Variants in SLC35D2 observed in about 807,000 individuals in gnomAD.
SLC35D2 encodes the protein nucleotide sugar transporter SLC35D2.
In SLC35D2, 43 loss-of-function variants were observed where a neutral mutation model predicts 41.8. The ratio of observed to expected loss-of-function variants is 1.03; its 90% CI spans 0.81 to 1.33. SLC35D2 has a LOEUF of 1.33. Among genes scored for constraint, SLC35D2 ranks in the 40% most tolerant of loss-of-function variants. The pLI is 0.00. For missense variants in SLC35D2, 380 were observed against 408.4 expected (o/e 0.93, Z 0.60); for synonymous variants, 150 against 163.9 (o/e 0.92, Z 0.65).
chr9:96,329,256 G>A (rs534600429), intron 9 of SLC35D2, among the ~76,000 whole-genome samples: 102 of 151,510 alleles, frequency 6.7e-4, no homozygotes, highest in African/African-American at 2.4e-3. Flanking sequence ...TTAGAGACAG[G>A]CTCTCCCTCT....
chr9:96,351,287 AGC>A, intron 5 of SLC35D2, 116 bp from the exon 6 acceptor site: 1 of 715,172 alleles, frequency 1.4e-6, no homozygotes, highest in Non-Finnish European at 2.5e-6. Flanking sequence ...GCTAAAATCC[AGC>A]AGACAATGCT....
At chr9:96,334,876 C>T (rs942561437) in intron 9 of SLC35D2, among the ~76,000 whole-genome samples, 1 of 152,034 alleles carries the variant, frequency 6.6e-6, no homozygotes, top group Non-Finnish European at 1.5e-5. Context: ...TGAACAGATA[C>T]GTTTGGGAAA....
intron 1 of SLC35D2, among the ~76,000 whole-genome samples, chr9:96,375,765 C>T (rs1486494988): frequency 2.0e-5 from 3 of 152,058 alleles, no homozygotes; most frequent in Non-Finnish European, 2.9e-5. Flanking sequence ...CGCCTGTAAT[C>T]GCAGCACTTT....
intron 1 of SLC35D2, among the ~76,000 whole-genome samples, chr9:96,373,843 G>A (rs1468873112): frequency 6.6e-6 from 1 of 152,102 alleles, no homozygotes; most frequent in African/African-American, 2.4e-5. Flanking sequence ...CGCTTTAGGG[G>A]GACCAGATGA....
intron 9 of SLC35D2, among the ~76,000 whole-genome samples, chr9:96,325,547 G>C (rs1828483364): frequency 6.6e-6 from 1 of 152,170 alleles, no homozygotes; most frequent in African/African-American, 2.4e-5. Flanking sequence ...GCCGGGCGTG[G>C]CGGCACATGC....
intron 3 of SLC35D2, among the ~76,000 whole-genome samples, chr9:96,363,201 A>G (rs1830350384): frequency 6.8e-6 from 1 of 146,710 alleles, no homozygotes; most frequent in Non-Finnish European, 1.5e-5. Flanking sequence ...ACGTCTTACT[A>G]CGTTCTCCAC....
At chr9:96,380,177 G>A (rs1365054700) in intron 1 of SLC35D2, among the ~76,000 whole-genome samples, 11 of 152,132 alleles carry the variant, frequency 7.2e-5, no homozygotes, top group South Asian at 2.1e-4. Flanking sequence ...GAGTATAGGC[G>A]TGAGCCACCG....
At chr9:96,379,445 A>G (rs1831099312) in intron 1 of SLC35D2, among the ~76,000 whole-genome samples, 2 of 152,334 alleles carry the variant, frequency 1.3e-5, no homozygotes, top group Middle Eastern at 6.8e-3. Context: ...CTGGCATTAC[A>G]ATGAATTATA....
chr9:96,379,106 C>T (rs7469303), intron 1 of SLC35D2, among the ~76,000 whole-genome samples: 26,263 of 150,328 alleles, frequency 0.17, 2,589 homozygotes, highest in African/African-American at 0.26. Flanking sequence ...AAGACCAGCC[C>T]GGGCAACATA....
intron 2 of SLC35D2, among the ~76,000 whole-genome samples, chr9:96,366,416 A>G (rs2130996771): frequency 6.6e-6 from 1 of 152,140 alleles, no homozygotes; most frequent in East Asian, 1.9e-4. Context: ...TTCCCTCAAC[A>G]AATTGCAAAT....
intron 9 of SLC35D2, among the ~76,000 whole-genome samples, chr9:96,332,940 C>T (rs1319615408): frequency 4.7e-5 from 7 of 149,182 alleles, no homozygotes; most frequent in Non-Finnish European, 7.4e-5. Flanking sequence ...CGCTCTGTCG[C>T]GAGGCTGTAG....
At chr9:96,324,221 G>A in intron 9 of SLC35D2, 52 bp from the exon 10 acceptor site, 3 of 1,493,192 alleles carry the variant, frequency 2.0e-6, no homozygotes, top group Non-Finnish European at 2.8e-6. Flanking sequence ...GCTGGGTAAT[G>A]ACAAATAGGT....
chr9:96,333,532 G>C (rs555652839), intron 9 of SLC35D2, among the ~76,000 whole-genome samples: 1 of 150,618 alleles, frequency 6.6e-6, no homozygotes, highest in Non-Finnish European at 1.5e-5. Context: ...GAGGCGGTGC[G>C]TGCAGTGAGC....
At chr9:96,334,225 A>G (rs910849458) in intron 9 of SLC35D2, among the ~76,000 whole-genome samples, 4 of 152,206 alleles carry the variant, frequency 2.6e-5, no homozygotes, top group Non-Finnish European at 5.9e-5. Context: ...CAGACTCCCA[A>G]AAGGCCTAAA....
chr9:96,344,217 C>T (rs552782706), intron 7 of SLC35D2, among the ~76,000 whole-genome samples: 7 of 152,116 alleles, frequency 4.6e-5, no homozygotes, highest in South Asian at 4.1e-4. Flanking sequence ...ACAGAGAAAA[C>T]GCATGGCAGT....
At chr9:96,372,333 G>A (rs957723439) in intron 1 of SLC35D2, among the ~76,000 whole-genome samples, 6 of 152,082 alleles carry the variant, frequency 3.9e-5, no homozygotes, top group Non-Finnish European at 5.9e-5. Context: ...TCAATATTAC[G>A]GGGAGGGAGT....
chr9:96,358,817 C>T (rs559951781), intron 4 of SLC35D2, among the ~76,000 whole-genome samples: 15 of 151,462 alleles, frequency 9.9e-5, no homozygotes, highest in Non-Finnish European at 4.4e-5. Flanking sequence ...GGTGAAACCC[C>T]GTCGTTACTA....
intron 3 of SLC35D2, among the ~76,000 whole-genome samples, chr9:96,360,723 C>T (rs1449228091): frequency 2.0e-5 from 3 of 151,218 alleles, no homozygotes; most frequent in Non-Finnish European, 4.4e-5. Flanking sequence ...TCACGACACA[C>T]CCATCAGATT....
intron 9 of SLC35D2, among the ~76,000 whole-genome samples, chr9:96,326,018 T>C (rs1464126951): frequency 1.3e-5 from 2 of 152,232 alleles, no homozygotes; most frequent in African/African-American, 2.4e-5. Flanking sequence ...TTTGCAATAC[T>C]GTGTGCATTG....
Sources: gnomAD v4.1 joint callset for allele counts (sites outside exome capture counted in the v4.1 genomes callset) on GRCh38, gnomAD v4.1.1 for gene constraint, MANE v1.5 for transcripts, NCBI Gene and HGNC (gene_info 2026-07-23, HGNC 2026-07-21) for gene names.